CTNNA2: variants seen among roughly 807,000 people sequenced by gnomAD.
The protein encoded by CTNNA2 is catenin alpha-2.
Under a neutral mutation model 101.0 loss-of-function variants are expected in CTNNA2, and 42 were observed. That is an observed-to-expected ratio of 0.42 (90% confidence interval 0.32 to 0.54). CTNNA2 has a LOEUF of 0.54. CTNNA2 is among the 20% of genes least tolerant of loss of function. CTNNA2 has a pLI of 0.14. For missense variants in CTNNA2, 871 were observed against 1,223.1 expected, an observed-to-expected ratio of 0.71 and a Z score of 4.29; for synonymous variants, 450 against 456.4, an observed-to-expected ratio of 0.99 and a Z score of 0.18.
chr2:80,450,360 G>C (rs1157887073), intron 9 of CTNNA2, among the ~76,000 whole-genome samples: 1 of 151,692 alleles, frequency 6.6e-6, no homozygotes, highest in Non-Finnish European at 1.5e-5. Context: ...CAACTAGTAT[G>C]GTTGTTCAGC....
intron 7 of CTNNA2, among the ~76,000 whole-genome samples, chr2:80,110,731 G>A (rs1424220569): frequency 2.0e-5 from 3 of 152,186 alleles, no homozygotes; most frequent in African/African-American, 4.8e-5. Flanking sequence ...GTCTTCCCCT[G>A]TGTGGAAGTG....
intron 2 of CTNNA2, among the ~76,000 whole-genome samples, chr2:79,295,677 G>A (rs1465519023): frequency 1.3e-5 from 2 of 151,818 alleles, no homozygotes; most frequent in East Asian, 3.9e-4. Context: ...TCAATAGCTG[G>A]GGAATGAAAT....
At chr2:80,635,112 A>G (rs1171667378) in intron 18 of CTNNA2, among the ~76,000 whole-genome samples, 1 of 152,148 alleles carries the variant, frequency 6.6e-6, no homozygotes. Flanking sequence ...AATGGTTACA[A>G]CTCATTGTTA....
chr2:80,496,445 G>C (rs2149525687), intron 9 of CTNNA2, among the ~76,000 whole-genome samples: 1 of 143,854 alleles, frequency 7.0e-6, no homozygotes. Flanking sequence ...TAAACCAAGT[G>C]ACTGCATTAC....
intron 9 of CTNNA2, among the ~76,000 whole-genome samples, chr2:80,464,246 G>C (rs1364262294): frequency 6.6e-6 from 1 of 152,144 alleles, no homozygotes; most frequent in African/African-American, 2.4e-5. Flanking sequence ...ATATAATGGA[G>C]ATCCAATAAT....
At chr2:80,087,725 G>A (rs772665744) in intron 7 of CTNNA2, among the ~76,000 whole-genome samples, 1 of 151,962 alleles carries the variant, frequency 6.6e-6, no homozygotes, top group Middle Eastern at 3.2e-3. Flanking sequence ...TCTGGGCTGG[G>A]GCCTGATATC....
chr2:80,427,967 G>A (rs1207633808), intron 9 of CTNNA2, among the ~76,000 whole-genome samples: 1 of 152,230 alleles, frequency 6.6e-6, no homozygotes, highest in African/African-American at 2.4e-5. Flanking sequence ...GCAGAACTAT[G>A]TGCTGTAGCA....
chr2:79,269,705 T>C (rs545532481), intron 2 of CTNNA2, among the ~76,000 whole-genome samples: 3 of 152,150 alleles, frequency 2.0e-5, no homozygotes, highest in Non-Finnish European at 4.4e-5. Context: ...ATGCCCATCT[T>C]CTGGGCTCCC....
chr2:79,982,366 CATATATATAA>C (rs1558698048), intron 7 of CTNNA2, among the ~76,000 whole-genome samples: 5 of 121,840 alleles, frequency 4.1e-5, no homozygotes, highest in East Asian at 4.9e-4. Context: ...ACCTATATAA[CATATATATAA>C]CATATATAAC....
intron 2 of CTNNA2, among the ~76,000 whole-genome samples, chr2:79,293,603 C>A (rs1279083123): frequency 6.6e-6 from 1 of 152,046 alleles, no homozygotes; most frequent in Non-Finnish European, 1.5e-5. Context: ...GAGGAAATTG[C>A]CATCAGCTGA....
At chr2:80,329,976 T>A (rs1257683781) in intron 7 of CTNNA2, among the ~76,000 whole-genome samples, 1 of 152,264 alleles carries the variant, frequency 6.6e-6, no homozygotes, top group Non-Finnish European at 1.5e-5. Context: ...AAGTACCCAC[T>A]GGCATTTTCA....
intron 12 of CTNNA2, among the ~76,000 whole-genome samples, chr2:80,558,279 T>A (rs541318933): frequency 1.6e-4 from 25 of 152,284 alleles, no homozygotes; most frequent in African/African-American, 5.5e-4. Flanking sequence ...ATTTTGTGAA[T>A]AACTAGAGAG....
intron 18 of CTNNA2, among the ~76,000 whole-genome samples, chr2:80,643,109 A>C (rs775770214): frequency 3.3e-4 from 50 of 152,312 alleles, no homozygotes; most frequent in Non-Finnish European, 6.5e-4. Context: ...AATCATAATA[A>C]TTAGCAGAAG....
At chr2:80,070,557 A>G (rs966557171) in intron 7 of CTNNA2, among the ~76,000 whole-genome samples, 10 of 152,104 alleles carry the variant, frequency 6.6e-5, no homozygotes, top group African/African-American at 2.4e-4. Flanking sequence ...AAAATAAAAA[A>G]TAAAACAAAA....
intron 7 of CTNNA2, among the ~76,000 whole-genome samples, chr2:80,390,454 T>A (rs1677405283): frequency 6.6e-6 from 1 of 152,182 alleles, no homozygotes; most frequent in African/African-American, 2.4e-5. Context: ...TGCAGGATAT[T>A]GATGCCAGAA....
chr2:79,618,529 G>T (rs1009990957), intron 1 of CTNNA2, among the ~76,000 whole-genome samples: 5 of 152,148 alleles, frequency 3.3e-5, no homozygotes, highest in Admixed American at 3.3e-4. Context: ...AGCCTCTGAA[G>T]CTCTGGAAAC....
intron 7 of CTNNA2, among the ~76,000 whole-genome samples, chr2:80,095,423 T>A (rs1286030953): frequency 6.6e-6 from 1 of 152,218 alleles, no homozygotes; most frequent in Admixed American, 6.5e-5. Flanking sequence ...TATTGAGGAT[T>A]TTTGCGTCAA....
At chr2:80,384,438 A>T (rs1425015114) in intron 7 of CTNNA2, among the ~76,000 whole-genome samples, 2 of 150,776 alleles carry the variant, frequency 1.3e-5, no homozygotes, top group African/African-American at 2.4e-5. Context: ...AAAAAAAAAG[A>T]TTCAAAAACA....
intron 2 of CTNNA2, among the ~76,000 whole-genome samples, chr2:79,715,956 C>T (rs749933167): frequency 2.6e-5 from 4 of 151,510 alleles, no homozygotes; most frequent in Non-Finnish European, 4.4e-5. Context: ...ATCACGATTT[C>T]AAAATTTGGA....
Sources: allele counts gnomAD v4.1 joint callset (sites outside exome capture counted in the v4.1 genomes callset), GRCh38; gene constraint gnomAD v4.1.1; transcripts MANE v1.5; gene names NCBI Gene and HGNC (gene_info 2026-07-23, HGNC 2026-07-21).